Variants in MGAT4C observed in about 807,000 individuals in gnomAD.
The protein encoded by MGAT4C is MGAT4 family member C.
A neutral mutation model predicts 40.1 loss-of-function variants in MGAT4C; 19 were observed. That is an observed-to-expected ratio of 0.47 (90% CI 0.33 to 0.70). The LOEUF (loss-of-function observed/expected upper bound fraction) is 0.70. Among genes scored for constraint, MGAT4C ranks in the 30% least tolerant of loss-of-function variants. MGAT4C has a pLI of 0.02. For synonymous variants in MGAT4C, 181 were observed against 187.1 expected, an observed-to-expected ratio of 0.97 and a Z score of 0.27; for missense variants, 491 against 563.2, an observed-to-expected ratio of 0.87 and a Z score of 1.30.
intron 2 of MGAT4C, among the ~76,000 whole-genome samples, chr12:86,019,995 C>G (rs137860952): frequency 2.2e-4 from 34 of 152,148 alleles, no homozygotes; most frequent in African/African-American, 8.0e-4. Flanking sequence ...CTCTGTTGGT[C>G]TGTTATTGTT....
intron 3 of MGAT4C, among the ~76,000 whole-genome samples, chr12:86,424,184 GT>G (rs1283037466): frequency 2.0e-5 from 3 of 152,156 alleles, no homozygotes; most frequent in Non-Finnish European, 2.9e-5. Context: ...AAGAACCTAG[GT>G]TCCAGAATCA....
intron 3 of MGAT4C, among the ~76,000 whole-genome samples, chr12:86,408,479 C>CTCTCTCTCTATATA (rs1267344319): frequency 4.1e-4 from 26 of 63,336 alleles, no homozygotes; most frequent in African/African-American, 1.3e-3. Context: ...CTCTCTCTCT[C>CTCTCTCTCTATATA]TATATATATA....
intron 2 of MGAT4C, among the ~76,000 whole-genome samples, chr12:86,024,383 A>C (rs1336630052): frequency 6.6e-6 from 1 of 151,814 alleles, no homozygotes; most frequent in Non-Finnish European, 1.5e-5. Context: ...TATTATCAAA[A>C]TTATGCAAAA....
chr12:86,365,075 C>T (rs1955562177), intron 3 of MGAT4C, among the ~76,000 whole-genome samples: 1 of 152,104 alleles, frequency 6.6e-6, no homozygotes, highest in East Asian at 1.9e-4. Flanking sequence ...TATTTCATCC[C>T]TACAGCTTCG....
chr12:86,411,868 C>A (rs1459211893), intron 3 of MGAT4C, among the ~76,000 whole-genome samples: 2 of 152,250 alleles, frequency 1.3e-5, no homozygotes, highest in Non-Finnish European at 2.9e-5. Context: ...CTCAGGGCCT[C>A]ACTACTCTGT....
At chr12:86,495,186 A>T (rs61950780) in intron 2 of MGAT4C, 1 of 152,046 alleles carries the variant, frequency 6.6e-6, no homozygotes, top group African/African-American at 2.4e-5. Flanking sequence ...TTCTCTTGAG[A>T]GGATAAATAG....
chr12:86,506,581 G>C (rs1958476211), intron 2 of MGAT4C, among the ~76,000 whole-genome samples: 2 of 152,108 alleles, frequency 1.3e-5, no homozygotes, highest in African/African-American at 4.8e-5. Context: ...AAGATAATTA[G>C]ACATTAATGA....
At chr12:86,357,438 TC>T (rs1283627648) in intron 3 of MGAT4C, among the ~76,000 whole-genome samples, 1 of 152,152 alleles carries the variant, frequency 6.6e-6, no homozygotes. Context: ...GGAATGCTGC[TC>T]CTCGTCAGCA....
intron 2 of MGAT4C, among the ~76,000 whole-genome samples, chr12:86,444,738 C>T (rs1295394223): frequency 6.6e-6 from 1 of 152,152 alleles, no homozygotes; most frequent in Non-Finnish European, 1.5e-5. Flanking sequence ...ACCATAGTAA[C>T]TATTTCTGAG....
intron 1 of MGAT4C, among the ~76,000 whole-genome samples, chr12:86,066,375 G>A (rs1894543415): frequency 6.6e-6 from 1 of 151,510 alleles, no homozygotes; most frequent in Non-Finnish European, 1.5e-5. Context: ...TAGACCAAAG[G>A]AACAGAACAG....
At chr12:86,462,519 A>T (rs780885633) in intron 2 of MGAT4C, among the ~76,000 whole-genome samples, 3 of 152,196 alleles carry the variant, frequency 2.0e-5, no homozygotes, top group Non-Finnish European at 4.4e-5. Context: ...ATAGATGTAT[A>T]TATAAAGGGG....
chr12:86,104,407 T>A (rs1875750927), intron 1 of MGAT4C, among the ~76,000 whole-genome samples: 1 of 152,072 alleles, frequency 6.6e-6, no homozygotes, highest in African/African-American at 2.4e-5. Context: ...GCCATTGCAC[T>A]CTAGCGTAGG....
intron 2 of MGAT4C, among the ~76,000 whole-genome samples, chr12:86,491,876 T>C (rs2136323897): frequency 6.6e-6 from 1 of 152,260 alleles, no homozygotes; most frequent in South Asian, 2.1e-4. Flanking sequence ...GCAGACGACA[T>C]GACTGTATAT....
At chr12:86,140,682 G>GC (rs1299823549) in intron 1 of MGAT4C, among the ~76,000 whole-genome samples, 3 of 151,924 alleles carry the variant, frequency 2.0e-5, no homozygotes, top group African/African-American at 4.8e-5. Context: ...AATAATATGT[G>GC]CCCCCTACCA....
At chr12:86,427,447 G>A (rs1385886073) in intron 3 of MGAT4C, among the ~76,000 whole-genome samples, 1 of 151,460 alleles carries the variant, frequency 6.6e-6, no homozygotes, top group Non-Finnish European at 1.5e-5. Context: ...TCATGGTTCT[G>A]TACTTAATGA....
intron 2 of MGAT4C, among the ~76,000 whole-genome samples, chr12:86,581,302 T>C (rs1960769798): frequency 6.6e-6 from 1 of 151,402 alleles, no homozygotes; most frequent in East Asian, 1.9e-4. Context: ...GCCTAGATAA[T>C]AGCCACAGTG....
At chr12:86,755,345 T>C (rs771231675) in intron 1 of MGAT4C, among the ~76,000 whole-genome samples, 28 of 152,150 alleles carry the variant, frequency 1.8e-4, no homozygotes, top group Non-Finnish European at 3.4e-4. Flanking sequence ...TATATCTACA[T>C]CAACATTTCT....
intron 2 of MGAT4C, among the ~76,000 whole-genome samples, chr12:86,711,561 T>C (rs1307151585): frequency 1.3e-5 from 2 of 152,198 alleles, no homozygotes; most frequent in Non-Finnish European, 2.9e-5. Flanking sequence ...TTGGTTCTTA[T>C]ATTGTTTTTT....
chr12:85,988,521 T>G (rs1885508959), intron 3 of MGAT4C, among the ~76,000 whole-genome samples: 2 of 152,076 alleles, frequency 1.3e-5, no homozygotes, highest in South Asian at 4.1e-4. Context: ...GGTTTTGATT[T>G]CTGAAATATA....
Sources: gnomAD v4.1 joint callset for allele counts (sites outside exome capture counted in the v4.1 genomes callset) on GRCh38, gnomAD v4.1.1 for gene constraint, MANE v1.5 for transcripts, NCBI Gene and HGNC (gene_info 2026-07-23, HGNC 2026-07-21) for gene names.